Variants in AAK1 observed in about 807,000 individuals in gnomAD.
AAK1 encodes the protein AP2 associated kinase 1, also known as AP2-associated protein kinase 1.
Under a neutral mutation model 116.0 loss-of-function variants are expected in AAK1, and 37 were observed. That is an observed-to-expected ratio of 0.32 (90% CI 0.25 to 0.42). AAK1 has a LOEUF of 0.42. Ranked by LOEUF, AAK1 falls within the 10% of genes least tolerant of loss-of-function variation. The pLI is 1.00. For missense variants in AAK1, 919 were observed against 1,170.6 expected (o/e 0.79, Z 3.14); for synonymous variants, 458 against 439.9 (o/e 1.04, Z -0.51).
At chr2:69,545,032 A>G (rs1283227645) in intron 3 of AAK1, among the ~76,000 whole-genome samples, 1 of 152,180 alleles carries the variant, frequency 6.6e-6, no homozygotes, top group Admixed American at 6.5e-5. Context: ...ATCTACCAAA[A>G]AAAAAAAAGC....
chr2:69,616,675 A>G (rs1404966204), intron 2 of AAK1, among the ~76,000 whole-genome samples: 2 of 152,184 alleles, frequency 1.3e-5, no homozygotes, highest in African/African-American at 4.8e-5. Context: ...TAGGTGTGAC[A>G]ATCAAAAATG....
At chr2:69,633,802 T>C (rs758192622) in intron 2 of AAK1, among the ~76,000 whole-genome samples, 2 of 152,174 alleles carry the variant, frequency 1.3e-5, no homozygotes, top group Non-Finnish European at 2.9e-5. Flanking sequence ...CTTCAAATGC[T>C]ATGGAAGCAT....
chr2:69,578,515 G>A (rs1020441852), intron 2 of AAK1, among the ~76,000 whole-genome samples: 2 of 152,106 alleles, frequency 1.3e-5, no homozygotes, highest in African/African-American at 4.8e-5. Context: ...GGTCAAAAAT[G>A]CCATTTAAAA....
Position 69,461,539 on chromosome 2 carries a change from G to C in AAK1, c.*14330C>G. On this transcript the variant is annotated 3_prime_UTR_variant, in exon 22 of 22. Transcript: ENST00000409085. ...AAGTAATTTGCATGTGTTTGCATCC[G>C]TTTCTGTATTCAAAGAAGGTATGTA... 3.9e-6 allele frequency: 1 copy of C among 256,604 alleles called. No individual in the cohort carries two copies. Among genetic ancestry groups the C allele is most frequent in the South Asian group, 3.1e-5 (1 of 32,442 alleles). 15.9% of individuals were successfully genotyped at this position (256,604 alleles called of 1,614,324 possible). A position where few individuals can be genotyped will look rare whatever the true frequency, so the allele number is the denominator to read the frequency against.
chr2:69,558,874 C>T (rs1308192459), intron 2 of AAK1, among the ~76,000 whole-genome samples: 1 of 152,194 alleles, frequency 6.6e-6, no homozygotes, highest in African/African-American at 2.4e-5. Flanking sequence ...CACTTTAGTA[C>T]CTGTCTGTTG....
chr2:69,621,394 G>C (rs995103102), intron 2 of AAK1, among the ~76,000 whole-genome samples: 1 of 151,890 alleles, frequency 6.6e-6, no homozygotes. Context: ...CAGAAGAATC[G>C]CTTGAAAAAA....
chr2:69,516,116 C>A lies in AAK1; in HGVS notation c.1498-1367G>T, dbSNP rs117899628. 2.6e-5 allele frequency among the ~76,000 whole-genome samples: 4 copies of A among 152,142 alleles called. No homozygotes were observed. In the East Asian group the frequency reaches 7.7e-4, roughly 29 times the overall value. ...AATTTAAAAAGCAATAACTAAAAAT[C>A]AAAAGCAAAACAATGCATATAAACC... On this transcript the variant is annotated intron_variant, in intron 12 of 21. Coordinates refer to ENST00000409085, the MANE Select transcript of AAK1 (RefSeq NM_014911.5).
rs1186356490 is a variant in AAK1 at position 69,469,871 on chromosome 2, T to C, written c.*5998A>G. The C allele has an allele frequency of 2.0e-6, 2 of 985,338 alleles. No individual in the cohort carries two copies. Among genetic ancestry groups the C allele is most frequent in the African/African-American group, 3.5e-5 (2 of 57,240 alleles). The allele number at this position is 985,338 out of a possible 1,614,324, so 61.0% of individuals were successfully genotyped here. On this transcript the variant is annotated 3_prime_UTR_variant, in exon 22 of 22. Coordinates refer to ENST00000409085, the MANE Select transcript of AAK1 (RefSeq NM_014911.5). ...CAATATGGGTAACTCCATATTAGTC[T>C]ATTTTGAGGCTCCAAATTATGTAGA...
At chr2:69,604,487 G>A (rs369816906) in intron 2 of AAK1, among the ~76,000 whole-genome samples, 10 of 152,234 alleles carry the variant, frequency 6.6e-5, no homozygotes, top group African/African-American at 2.4e-4. Flanking sequence ...AATGCTCATT[G>A]CTAACTCACC....
chr2:69,488,968 A>C (rs1675411161), intron 17 of AAK1, among the ~76,000 whole-genome samples: 1 of 151,786 alleles, frequency 6.6e-6, no homozygotes, highest in Admixed American at 6.6e-5. Context: ...CCTCCAAGTA[A>C]CTGGAACTAC....
chr2:69,626,529 T>C (rs1167937029), intron 2 of AAK1, among the ~76,000 whole-genome samples: 3 of 151,610 alleles, frequency 2.0e-5, no homozygotes, highest in South Asian at 2.1e-4. Flanking sequence ...AGACAGGGTC[T>C]CACTCTGTCT....
intron 5 of AAK1, among the ~76,000 whole-genome samples, chr2:69,533,465 T>C (rs1440244273): frequency 6.6e-6 from 1 of 152,210 alleles, no homozygotes; most frequent in Non-Finnish European, 1.5e-5. Context: ...TTCTATACTT[T>C]CTTTTAATTC....
chr2:69,602,848 A>C (rs28711570), intron 2 of AAK1, among the ~76,000 whole-genome samples: 6,811 of 152,322 alleles, frequency 0.045, 405 homozygotes, highest in East Asian at 0.16. Context: ...CAACAGAAAA[A>C]TATGAAACGC....
In AAK1 at chr2:69,505,687, A is replaced by C. The variant is rs1471404323; in HGVS notation, c.2165-14T>G. ...CGGGATGTTTGCCTGGAGAGACAAA[A>C]CACCACTCAGTTCATTCTAGCAGAA... On this transcript the variant is annotated splice_polypyrimidine_tract_variant and intron_variant, in intron 15 of 21. Transcript: ENST00000409085. The C allele has an allele frequency of 1.2e-6, 2 of 1,603,838 alleles. No individual in the cohort carries two copies. Among genetic ancestry groups the C allele is most frequent in the African/African-American group, 2.7e-5 (2 of 74,708 alleles).
chr2:69,476,285 A>G (rs1354659466), intron 21 of AAK1, among the ~76,000 whole-genome samples: 1 of 152,174 alleles, frequency 6.6e-6, no homozygotes, highest in African/African-American at 2.4e-5. Context: ...CTATATACCA[A>G]CTTCCTGATA....
chr2:69,553,401 G>A (rs1452862174), intron 3 of AAK1, among the ~76,000 whole-genome samples: 1 of 145,022 alleles, frequency 6.9e-6, no homozygotes. Context: ...TATGATGTGC[G>A]AACATAAAAT....
chr2:69,536,385 A>C, intron 5 of AAK1, among the ~76,000 whole-genome samples: 1 of 152,194 alleles, frequency 6.6e-6, no homozygotes, highest in East Asian at 1.9e-4. Context: ...AAGGGCAGGT[A>C]CAACAGTCTG....
At chr2:69,592,427 C>T (rs1158853875) in intron 2 of AAK1, among the ~76,000 whole-genome samples, 1 of 152,080 alleles carries the variant, frequency 6.6e-6, no homozygotes, top group African/African-American at 2.4e-5. Flanking sequence ...ACAGGACAGC[C>T]CCCCACAACA....
intron 9 of AAK1, 60 bp from the exon 10 acceptor site, chr2:69,525,172 A>G (rs1292551155): frequency 6.5e-7 from 1 of 1,548,894 alleles, no homozygotes; most frequent in Non-Finnish European, 8.9e-7. Flanking sequence ...TCTTTGTTAA[A>G]GAATAAGCAG....
Sources: gnomAD v4.1 joint callset for allele counts (sites outside exome capture counted in the v4.1 genomes callset) on GRCh38, gnomAD v4.1.1 for gene constraint, MANE v1.5 for transcripts, NCBI Gene and HGNC (gene_info 2026-07-23, HGNC 2026-07-21) for gene names.